CACNB2: variants seen among roughly 807,000 people sequenced by gnomAD.
CACNB2 encodes the protein voltage-dependent L-type calcium channel subunit beta-2.
A neutral mutation model predicts 73.3 loss-of-function variants in CACNB2; 42 were observed. The ratio of observed to expected loss-of-function variants is 0.57; its 90% CI spans 0.45 to 0.74. CACNB2 has a LOEUF of 0.74. Among genes scored for constraint, CACNB2 ranks in the 30% least tolerant of loss-of-function variants. CACNB2 has a pLI of 0.00. For synonymous variants in CACNB2, 348 were observed against 310.3 expected, an observed-to-expected ratio of 1.12 and a Z score of -1.28; for missense variants, 940 against 853.0, an observed-to-expected ratio of 1.10 and a Z score of -1.27.
chr10:18,150,221 C>T (rs550572639), intron 1 of CACNB2, among the ~76,000 whole-genome samples: 2 of 152,256 alleles, frequency 1.3e-5, no homozygotes, highest in East Asian at 3.9e-4. Context: ...ATCCTATTAT[C>T]GAAACAAATC....
intron 2 of CACNB2, among the ~76,000 whole-genome samples, chr10:18,361,512 AG>A (rs1294835699): frequency 1.3e-5 from 2 of 150,142 alleles, no homozygotes; most frequent in African/African-American, 4.9e-5. Context: ...AAAAAAAAAA[AG>A]AAAGAAAGAA....
At chr10:18,267,375 G>A (rs1487144249) in intron 2 of CACNB2, among the ~76,000 whole-genome samples, 1 of 152,106 alleles carries the variant, frequency 6.6e-6, no homozygotes, top group Non-Finnish European at 1.5e-5. Flanking sequence ...GGAAGCCAAG[G>A]TGGGCAGATC....
At chr10:18,150,833 G>C (rs996562261) in intron 1 of CACNB2, 50 bp from the exon 2 acceptor site, 5 of 1,113,966 alleles carry the variant, frequency 4.5e-6, no homozygotes, top group Non-Finnish European at 4.9e-6. Flanking sequence ...CTGTTAAAGG[G>C]TCTCATAATA....
At chr10:18,166,613 T>C (rs1026269228) in intron 2 of CACNB2, among the ~76,000 whole-genome samples, 3 of 152,228 alleles carry the variant, frequency 2.0e-5, no homozygotes, top group Non-Finnish European at 2.9e-5. Flanking sequence ...GGATAGTTAC[T>C]TGACCACCAG....
rs2053573859 is a variant in CACNB2, at chr10:18,536,254, TTTTTTTTTTTTTTTTTTTTGG to T, written c.1302+59_1302+79del. ...TACAGAGATCAGACCTTTTTTTTTT[TTTTTTTTTTTTTTTTTTTTGG>T]GGGACAAGGTCTTGCTCTGTTGCCC... On this transcript the variant is annotated intron_variant, in intron 12 of 13. Coordinates refer to ENST00000324631, the MANE Select transcript of CACNB2 (RefSeq NM_201596.3). 7 of 632,214 alleles carry T rather than the reference TTTTTTTTTTTTTTTTTTTTGG, an allele frequency of 1.1e-5. No homozygotes were observed. The East Asian group carries it at 2.0e-4, about 18-fold the overall frequency. 39.2% of individuals were successfully genotyped at this position (632,214 alleles called of 1,614,324 possible).
In CACNB2 at chr10:18,526,836, C is replaced by T. The variant is rs1408476386; in HGVS notation, c.945-752C>T. On this transcript the variant is annotated intron_variant, in intron 9 of 13. Coordinates refer to ENST00000324631, the MANE Select transcript of CACNB2 (RefSeq NM_201596.3). ...GTTCTTATTTATTTTTCATGCCTAT[C>T]ACAGCAATGAACTATGGCACAGAGA... 2.0e-5 allele frequency among the ~76,000 whole-genome samples: 3 copies of T among 152,090 alleles called. No individual in the cohort carries two copies. In the East Asian group the frequency reaches 5.8e-4, roughly 29 times the overall value.
In CACNB2 at chr10:18,481,068, C is replaced by G. The variant is rs1465561824; in HGVS notation, c.334-17287C>G. ...AAGGCCAACAGGTCTTCCTTGTTGG[C>G]CACAGGTGGTGTGCTGTGAGGCTGT... is the stretch of plus-strand genomic sequence containing the variant. On this transcript the variant is annotated intron_variant, in intron 3 of 13. Transcript: ENST00000324631. Among the ~76,000 whole-genome samples the G allele has an allele frequency of 2.0e-5, 3 of 150,842 alleles. No homozygotes were observed. The East Asian group carries it at 5.9e-4, about 29-fold the overall frequency.
intron 3 of CACNB2, among the ~76,000 whole-genome samples, chr10:18,480,693 A>G (rs941816941): frequency 6.6e-6 from 1 of 152,238 alleles, no homozygotes; most frequent in African/African-American, 2.4e-5. Context: ...TTTCCAGTGC[A>G]TCATTTTGTC....
chr10:18,538,295 A>G lies in CACNB2; in HGVS notation c.1418A>G (p.Asn473Ser). ...CATCCTCCCAGCAGTAGCCTCCCCA[A>G]CCCTCTCCTTAGCCGTACATTAGCC... is the stretch of plus-strand genomic sequence containing the variant. ...ATHPPSSSLPNPLLSRTLATS... is the reference protein window; with the variant it reads ...ATHPPSSSLPSPLLSRTLATS... The change falls in exon 13 of 14, where the codon AAC becomes AGC. Residue 473 changes from asparagine to serine, a missense_variant. Coordinates refer to ENST00000324631, the MANE Select transcript of CACNB2 (RefSeq NM_201596.3). 1 of 1,613,922 alleles carries G rather than the reference A, an allele frequency of 6.2e-7. No homozygotes were observed. Among genetic ancestry groups the G allele is most frequent in the Non-Finnish European group, 8.5e-7 (1 of 1,179,956 alleles).
intron 3 of CACNB2, among the ~76,000 whole-genome samples, chr10:18,438,939 G>A (rs2046283771): frequency 6.6e-6 from 1 of 152,208 alleles, no homozygotes; most frequent in Non-Finnish European, 1.5e-5. Context: ...CTTGTGATCT[G>A]GCAGGGCACG....
intron 2 of CACNB2, among the ~76,000 whole-genome samples, chr10:18,266,795 C>T (rs141966144): frequency 8.2e-4 from 125 of 152,204 alleles, no homozygotes; most frequent in African/African-American, 2.7e-3. Context: ...GAGGCTGAGG[C>T]GGGAGAATCA....
chr10:18,424,282 A>C (rs1014580703), intron 3 of CACNB2, among the ~76,000 whole-genome samples: 1 of 152,130 alleles, frequency 6.6e-6, no homozygotes, highest in Non-Finnish European at 1.5e-5. Flanking sequence ...CTGCAGAGCA[A>C]GGCTACCCTG....
At chr10:18,420,666 C>T (rs1274523051) in intron 3 of CACNB2, among the ~76,000 whole-genome samples, 1 of 152,202 alleles carries the variant, frequency 6.6e-6, no homozygotes. Context: ...CCCAAACACC[C>T]TCACAGACAT....
chr10:18,199,357 A>G lies in CACNB2; in HGVS notation c.213+48382A>G, dbSNP rs910405600. ...ATGTCATGTAATGCCAACTTCTAGGAAGAAAAGCAGAGAAGGGTGAGAGGA... is the reference window on the plus strand; with the variant it reads ...ATGTCATGTAATGCCAACTTCTAGGGAGAAAAGCAGAGAAGGGTGAGAGGA... On this transcript the variant is annotated intron_variant, in intron 2 of 13. Coordinates refer to ENST00000324631, the MANE Select transcript of CACNB2 (RefSeq NM_201596.3). Among the ~76,000 whole-genome samples, 4 of 152,186 alleles carry G rather than the reference A, an allele frequency of 2.6e-5. No individual in the cohort carries two copies. The East Asian group carries it at 7.7e-4, about 29-fold the overall frequency.
At chr10:18,458,458 C>T (rs2047394624) in intron 3 of CACNB2, among the ~76,000 whole-genome samples, 1 of 152,136 alleles carries the variant, frequency 6.6e-6, no homozygotes, top group African/African-American at 2.4e-5. Context: ...ATGCTCAGTA[C>T]ATACTAGTAC....
intron 3 of CACNB2, among the ~76,000 whole-genome samples, chr10:18,494,930 C>G (rs1025553640): frequency 2.0e-5 from 3 of 151,952 alleles, no homozygotes; most frequent in Non-Finnish European, 1.5e-5. Flanking sequence ...AATGTAAAAA[C>G]TTTAAAATAT....
At chr10:18,171,284 T>A (rs1238708199) in intron 2 of CACNB2, among the ~76,000 whole-genome samples, 1 of 152,040 alleles carries the variant, frequency 6.6e-6, no homozygotes, top group East Asian at 1.9e-4. Context: ...TAAGTTAGGA[T>A]ATTTTGGTTG....
At chr10:18,493,793 T>C (rs917757189) in intron 3 of CACNB2, among the ~76,000 whole-genome samples, 2 of 152,150 alleles carry the variant, frequency 1.3e-5, no homozygotes, top group African/African-American at 4.8e-5. Context: ...TTCCACATTG[T>C]AGACACACTG....
chr10:18,418,616 A>G (rs1367071027), intron 3 of CACNB2, among the ~76,000 whole-genome samples: 1 of 152,202 alleles, frequency 6.6e-6, no homozygotes, highest in Non-Finnish European at 1.5e-5. Context: ...CCACTCACAG[A>G]CTGCTAAGTG....
Sources: gnomAD v4.1 joint callset for allele counts (sites outside exome capture counted in the v4.1 genomes callset) on GRCh38, gnomAD v4.1.1 for gene constraint, MANE v1.5 for transcripts, NCBI Gene and HGNC (gene_info 2026-07-23, HGNC 2026-07-21) for gene names.